The following MYT1L variants were observed in gnomAD, a reference collection of about 807,000 sequenced individuals.
MYT1L encodes myelin transcription factor 1-like protein.
A neutral mutation model predicts 126.7 loss-of-function variants in MYT1L; 12 were observed. The ratio of observed to expected loss-of-function variants is 0.09; its 90% CI spans 0.06 to 0.15. The LOEUF is 0.15. Among genes scored for constraint, MYT1L ranks in the 10% least tolerant of loss-of-function variants. MYT1L has a pLI of 1.00. For synonymous variants in MYT1L, 541 were observed against 604.2 expected (o/e 0.90, Z 1.53); for missense variants, 979 against 1,585.2 (o/e 0.62, Z 6.49).
intron 8 of MYT1L, among the ~76,000 whole-genome samples, chr2:1,947,529 C>T (rs1329095689): frequency 6.6e-6 from 1 of 152,140 alleles, no homozygotes. Context: ...TCTGGGCCAT[C>T]GAGGCGTGGG....
intron 3 of MYT1L, among the ~76,000 whole-genome samples, chr2:2,123,661 C>T (rs941586235): frequency 3.3e-5 from 5 of 152,194 alleles, no homozygotes; most frequent in Non-Finnish European, 5.9e-5. Context: ...TTCAGCCATG[C>T]TTCCTGTACA....
At position 1,882,697 on chromosome 2, in the gene MYT1L, C is replaced by T. The variant is rs77641047; in HGVS notation, c.2711+3842G>A. 4.2e-3 allele frequency among the ~76,000 whole-genome samples: 635 copies of T among 152,266 alleles called. 9 individuals are homozygous for T. The highest frequency in any genetic ancestry group is 0.041 in the East Asian group (212 of 5,166). The stretch of plus-strand genomic sequence containing the variant: ...CTAAGAACTTGGTGAGCAGTCAAAG[C>T]GGATGACCTTCCTGCACCCGAACAA... On this transcript the variant is annotated intron_variant, in intron 18 of 24. Coordinates refer to ENST00000647738, the MANE Select transcript of MYT1L (RefSeq NM_001303052.2).
intron 4 of MYT1L, among the ~76,000 whole-genome samples, chr2:2,026,270 G>C (rs1285868502): frequency 6.6e-6 from 1 of 152,180 alleles, no homozygotes; most frequent in South Asian, 2.1e-4. Context: ...GGTGTGCGGG[G>C]GACGTGGGTG....
rs751657132 is a variant in MYT1L, at chr2:1,903,299, A to G, written c.1818-5T>C. ...TGCTTCACAAAGCACATTGGCCTGGAAGTAAACAAGAAAACAAACAACAGC... is the reference window on the plus strand; with the variant it reads ...TGCTTCACAAAGCACATTGGCCTGGGAGTAAACAAGAAAACAAACAACAGC... On this transcript the variant is annotated splice_polypyrimidine_tract_variant and splice_region_variant and intron_variant, in intron 13 of 24. Transcript: ENST00000647738. 3 of 1,607,996 alleles carry G rather than the reference A, an allele frequency of 1.9e-6. No individual in the cohort carries two copies. The South Asian group carries it at 3.3e-5, about 18-fold the overall frequency.
At chr2:2,093,001 G>A (rs895998909) in intron 3 of MYT1L, among the ~76,000 whole-genome samples, 2 of 152,152 alleles carry the variant, frequency 1.3e-5, no homozygotes, top group Non-Finnish European at 2.9e-5. Flanking sequence ...CACAAGCATC[G>A]ATTTTCAGGT....
In MYT1L at chr2:1,792,475, CA is replaced by C; in HGVS notation, c.3277-12del. 3.7e-6 allele frequency: 6 copies of C among 1,611,474 alleles called. No individual in the cohort carries two copies. The highest frequency in any genetic ancestry group is 5.1e-6 in the Non-Finnish European group (6 of 1,178,160). On this transcript the variant is annotated splice_polypyrimidine_tract_variant and intron_variant, in intron 23 of 24. Transcript: ENST00000647738. ...CTCCATCGTGGTAATCTGAAACGCA[CA>C]AGTGTGCGTGACATGTAACACCAGG...
chr2:1,837,672 C>T (rs928864151), intron 21 of MYT1L, among the ~76,000 whole-genome samples: 3 of 152,162 alleles, frequency 2.0e-5, no homozygotes, highest in East Asian at 1.9e-4. Flanking sequence ...GGCTCTGTGA[C>T]ACCCTGGGCT....
chr2:2,009,623 A>G (rs566925030), intron 4 of MYT1L, among the ~76,000 whole-genome samples: 2 of 152,306 alleles, frequency 1.3e-5, no homozygotes, highest in East Asian at 3.9e-4. Context: ...GGTTTTCTAC[A>G]TATTGGATCA....
intron 13 of MYT1L, among the ~76,000 whole-genome samples, chr2:1,906,402 C>T (rs777265138): frequency 2.6e-5 from 4 of 152,028 alleles, no homozygotes; most frequent in Non-Finnish European, 5.9e-5. Flanking sequence ...TAAATTCTGA[C>T]TTAATAGGCA....
At chr2:1,877,114 C>T (rs1573126815) in intron 18 of MYT1L, among the ~76,000 whole-genome samples, 1 of 152,164 alleles carries the variant, frequency 6.6e-6, no homozygotes, top group African/African-American at 2.4e-5. Flanking sequence ...CCTATCATCA[C>T]CCTAGCTCTG....
intron 4 of MYT1L, among the ~76,000 whole-genome samples, chr2:2,037,338 C>G (rs968173002): frequency 6.6e-6 from 1 of 152,146 alleles, no homozygotes; most frequent in Non-Finnish European, 1.5e-5. Context: ...ATGGCTGAGA[C>G]GCCCTTTGGG....
intron 4 of MYT1L, among the ~76,000 whole-genome samples, chr2:2,014,431 G>A (rs1387515067): frequency 2.0e-5 from 3 of 152,160 alleles, no homozygotes; most frequent in Admixed American, 2.0e-4. Context: ...GGTCATCCTG[G>A]GAGAGAACTG....
chr2:2,165,738 C>A (rs1004715938), intron 3 of MYT1L, among the ~76,000 whole-genome samples: 3 of 151,904 alleles, frequency 2.0e-5, no homozygotes, highest in African/African-American at 7.2e-5. Flanking sequence ...TTCAAAAATA[C>A]TTTTTAGAAA....
chr2:1,930,075 G>A (rs1366037236), intron 9 of MYT1L, among the ~76,000 whole-genome samples: 4 of 152,292 alleles, frequency 2.6e-5, no homozygotes, highest in South Asian at 4.1e-4. Flanking sequence ...AAGGAGGCCC[G>A]CCCGAAGGCA....
chr2:2,008,966 T>C (rs938676026), intron 4 of MYT1L, among the ~76,000 whole-genome samples: 5 of 152,188 alleles, frequency 3.3e-5, no homozygotes, highest in Non-Finnish European at 7.3e-5. Flanking sequence ...GTCCTCTTGG[T>C]GACCTTGTCA....
chr2:2,180,165 A>T (rs1389458885), intron 2 of MYT1L, among the ~76,000 whole-genome samples: 1 of 152,144 alleles, frequency 6.6e-6, no homozygotes, highest in Non-Finnish European at 1.5e-5. Flanking sequence ...AGAATCCATT[A>T]AATGAATGAA....
intron 4 of MYT1L, among the ~76,000 whole-genome samples, chr2:2,005,430 G>GCA (rs1473989492): frequency 7.1e-6 from 1 of 141,556 alleles, no homozygotes; most frequent in Non-Finnish European, 1.5e-5. Context: ...GTTCTTTCCT[G>GCA]TGTGCCTTCT....
At chr2:2,308,361 A>C (rs544276693) in intron 1 of MYT1L, among the ~76,000 whole-genome samples, 2 of 151,806 alleles carry the variant, frequency 1.3e-5, no homozygotes, top group South Asian at 2.1e-4. Flanking sequence ...CTTCACCTAC[A>C]TTTCAGTATA....
intron 8 of MYT1L, among the ~76,000 whole-genome samples, chr2:1,978,307 G>A (rs780177361): frequency 3.3e-5 from 5 of 152,154 alleles, no homozygotes; most frequent in Non-Finnish European, 7.4e-5. Flanking sequence ...TTGTTAGGCT[G>A]GAATGACCTT....
Sources: gnomAD v4.1 joint callset for allele counts (sites outside exome capture counted in the v4.1 genomes callset) on GRCh38, gnomAD v4.1.1 for gene constraint, MANE v1.5 for transcripts, NCBI Gene and HGNC (gene_info 2026-07-23, HGNC 2026-07-21) for gene names.